IL26: variants seen among roughly 807,000 people sequenced by gnomAD.
The protein encoded by IL26 is interleukin 26.
In IL26, 23 loss-of-function variants were observed where a neutral mutation model predicts 21.7. The ratio of observed to expected loss-of-function variants is 1.06; its 90% CI spans 0.76 to 1.50. IL26 has a LOEUF of 1.50. Ranked by LOEUF, IL26 falls within the 40% of genes most tolerant of loss-of-function variation. The pLI is 0.00. For missense variants in IL26, 204 were observed against 196.0 expected (o/e 1.04, Z -0.24); for synonymous variants, 63 against 67.8 (o/e 0.93, Z 0.34).
At chr12:68,212,899 T>C (rs1868773632) in intron 3 of IL26, among the ~76,000 whole-genome samples, 2 of 152,146 alleles carry the variant, frequency 1.3e-5, no homozygotes, top group South Asian at 4.1e-4. Context: ...TCTTGATTAT[T>C]TGCTGTGACT....
Position 68,218,425 on chromosome 12 carries a change from A to C in IL26, c.363+6724T>G, listed in dbSNP as rs144577177. 2.6e-4 allele frequency among the ~76,000 whole-genome samples: 40 copies of C among 152,236 alleles called. 1 individual carries two copies. The highest frequency in any genetic ancestry group is 9.6e-4 in the African/African-American group (40 of 41,580). ...ATTCAAACTTCTAGAGATAAAAACT[A>C]CAATGTATGAGGTGAAAAATATTCT... On this transcript the variant is annotated intron_variant, in intron 3 of 4. Coordinates refer to ENST00000229134, the MANE Select transcript of IL26 (RefSeq NM_018402.2).
chr12:68,215,742 A>G (rs1190583065), intron 3 of IL26, among the ~76,000 whole-genome samples: 1 of 152,100 alleles, frequency 6.6e-6, no homozygotes, highest in Non-Finnish European at 1.5e-5. Context: ...ATCTTGACGC[A>G]TTGCAATCTC....
intron 3 of IL26, among the ~76,000 whole-genome samples, chr12:68,209,123 G>C (rs886295873): frequency 6.6e-6 from 1 of 152,138 alleles, no homozygotes; most frequent in Non-Finnish European, 1.5e-5. Context: ...TGCATATGAT[G>C]GCTAAAGCAA....
At chr12:68,211,832 C>G (rs933145333) in intron 3 of IL26, among the ~76,000 whole-genome samples, 1 of 152,046 alleles carries the variant, frequency 6.6e-6, no homozygotes, top group Non-Finnish European at 1.5e-5. Flanking sequence ...AGGTTGCCTT[C>G]TTACTTTGTC....
chr12:68,210,372 A>C (rs1203511461), intron 3 of IL26, among the ~76,000 whole-genome samples: 7 of 104,282 alleles, frequency 6.7e-5, no homozygotes, highest in African/African-American at 2.2e-4. Flanking sequence ...AAAAAAAAAA[A>C]AAAAAAAAAA....
chr12:68,225,573 G>A lies in IL26; in HGVS notation c.171+13C>T, dbSNP rs1476775773. On this transcript the variant is annotated intron_variant, in intron 1 of 4. Transcript: ENST00000229134. ...CCTTGAGGTCATGATTTTAAGCAGA[G>A]CCTAATACTTACTGGAATCGTTGCT... The A allele has an allele frequency of 6.2e-7, 1 of 1,613,652 alleles. No homozygotes were observed. Among genetic ancestry groups the A allele is most frequent in the South Asian group, 1.1e-5 (1 of 91,058 alleles).
At chr12:68,211,228 C>T (rs1868719670) in intron 3 of IL26, among the ~76,000 whole-genome samples, 1 of 152,136 alleles carries the variant, frequency 6.6e-6, no homozygotes, top group African/African-American at 2.4e-5. Context: ...ACGTAAAAAC[C>T]TCTGTTCCAT....
chr12:68,205,715 A>C (rs111830276), intron 3 of IL26, among the ~76,000 whole-genome samples: 4 of 78,226 alleles, frequency 5.1e-5, no homozygotes, highest in African/African-American at 1.4e-4. Context: ...TTTCTGTCTG[A>C]CTTTTTTAAT....
chr12:68,215,523 G>T (rs1170320217), intron 3 of IL26, among the ~76,000 whole-genome samples: 1 of 152,106 alleles, frequency 6.6e-6, no homozygotes, highest in African/African-American at 2.4e-5. Context: ...AAGCCAGCTT[G>T]CTTTTTCTCC....
intron 3 of IL26, among the ~76,000 whole-genome samples, chr12:68,218,548 GAA>G (rs11570928): frequency 6.6e-6 from 1 of 151,844 alleles, no homozygotes. Flanking sequence ...AAAAGACTGG[GAA>G]AAAACAACCC....
chr12:68,205,188 C>T (rs915405129), intron 3 of IL26, among the ~76,000 whole-genome samples: 2 of 152,094 alleles, frequency 1.3e-5, no homozygotes, highest in African/African-American at 4.8e-5. Flanking sequence ...TTACTATATG[C>T]TAAGCATACA....
chr12:68,205,179 T>A, intron 3 of IL26, among the ~76,000 whole-genome samples: 1 of 152,184 alleles, frequency 6.6e-6, no homozygotes, highest in Non-Finnish European at 1.5e-5. Context: ...ATCACATACT[T>A]ACTATATGCT....
chr12:68,212,629 G>A (rs1029419409), intron 3 of IL26, among the ~76,000 whole-genome samples: 1 of 151,824 alleles, frequency 6.6e-6, no homozygotes, highest in Admixed American at 6.6e-5. Context: ...CACTTCCTTG[G>A]TTAAATTTAT....
At chr12:68,218,737 C>T (rs1288777498) in intron 3 of IL26, among the ~76,000 whole-genome samples, 1 of 151,898 alleles carries the variant, frequency 6.6e-6, no homozygotes, top group Admixed American at 6.6e-5. Flanking sequence ...CAATCAACTC[C>T]AAGCACAAGA....
Position 68,225,789 on chromosome 12 carries a change from C to G in IL26, c.-33G>C, listed in dbSNP as rs201766600. ...CACCCCACTCAGCGTGTGTCACTCA[C>G]AGCAGCCCAAGAGATACTAATGCCG... On this transcript the variant is annotated 5_prime_UTR_variant, in exon 1 of 5. Coordinates refer to ENST00000229134, the MANE Select transcript of IL26 (RefSeq NM_018402.2). 6.2e-7 allele frequency: 1 copy of G among 1,608,838 alleles called. No individual in the cohort carries two copies. The highest frequency in any genetic ancestry group is 8.5e-7 in the Non-Finnish European group (1 of 1,176,860).
intron 3 of IL26, among the ~76,000 whole-genome samples, chr12:68,203,054 G>A (rs949823419): frequency 6.6e-6 from 1 of 152,162 alleles, no homozygotes; most frequent in African/African-American, 2.4e-5. Flanking sequence ...ACAAAGCACA[G>A]AACAATGTTC....
chr12:68,204,899 A>G (rs1277987693), intron 3 of IL26, among the ~76,000 whole-genome samples: 2 of 152,198 alleles, frequency 1.3e-5, no homozygotes, highest in East Asian at 3.9e-4. Context: ...CTTTGCTTGG[A>G]AAGAGGAATT....
intron 3 of IL26, among the ~76,000 whole-genome samples, chr12:68,220,603 T>C (rs1469562012): frequency 2.0e-5 from 3 of 152,220 alleles, no homozygotes; most frequent in East Asian, 1.9e-4. Flanking sequence ...AAAACTATTA[T>C]ATTGTACTTC....
intron 2 of IL26, 46 bp downstream of exon 2, chr12:68,225,398 A>G (rs377107700): frequency 1.8e-4 from 273 of 1,527,056 alleles, no homozygotes; most frequent in Middle Eastern, 7.5e-4. Flanking sequence ...GGAAATAAAC[A>G]TCAAATAAGT....
Sources: allele counts gnomAD v4.1 joint callset (sites outside exome capture counted in the v4.1 genomes callset), GRCh38; gene constraint gnomAD v4.1.1; transcripts MANE v1.5; gene names NCBI Gene and HGNC (gene_info 2026-07-23, HGNC 2026-07-21).